Variants in CHL1 observed in about 807,000 individuals in gnomAD.
CHL1 encodes the protein neural cell adhesion molecule L1-like protein.
A neutral mutation model predicts 141.9 loss-of-function variants in CHL1; 96 were observed. That is an observed-to-expected ratio of 0.68 (90% CI 0.57 to 0.80). The LOEUF is 0.80. Ranked by LOEUF, CHL1 falls within the 30% of genes least tolerant of loss-of-function variation. The pLI, the probability that CHL1 is intolerant of heterozygous loss-of-function variation, is 0.00. For missense variants in CHL1, 1,820 were observed against 1,457.2 expected (o/e 1.25, Z -4.05); for synonymous variants, 613 against 502.2 (o/e 1.22, Z -2.95).
chr3:242,369 G>C (rs1176497828), intron 1 of CHL1, among the ~76,000 whole-genome samples: 1 of 144,894 alleles, frequency 6.9e-6, no homozygotes, highest in East Asian at 2.1e-4. Flanking sequence ...GGCTGAGGGG[G>C]GCAGATCACG....
chr3:341,932 G>C lies in CHL1; in HGVS notation c.529G>C (p.Asp177His), dbSNP rs1029893346. ...TTCAGAATTAGAACACATCGAACAA[G>C]ATGAAAGAGTATACATGAGCCAAAA... The part of the protein sequence containing the change: ...MNIELEHIEQ[D>H]ERVYMSQKGD... The change falls in exon 7 of 28, where the codon GAT (aspartate) becomes CAT (histidine). Residue 177 changes from aspartate (D) to histidine (H), a missense_variant. Transcript: ENST00000256509. The C allele has an allele frequency of 1.2e-6, 2 of 1,609,840 alleles. No individual in the cohort carries two copies. Among genetic ancestry groups the C allele is most frequent in the Non-Finnish European group, 1.7e-6 (2 of 1,176,912 alleles).
At chr3:199,764 C>T (rs1575587390) in intron 1 of CHL1, among the ~76,000 whole-genome samples, 2 of 152,104 alleles carry the variant, frequency 1.3e-5, no homozygotes, top group Admixed American at 6.6e-5. Flanking sequence ...ATAGTTGCTT[C>T]TGAAATCTTT....
intron 1 of CHL1, among the ~76,000 whole-genome samples, chr3:227,759 C>T (rs1408387721): frequency 6.6e-6 from 1 of 152,190 alleles, no homozygotes; most frequent in African/African-American, 2.4e-5. Context: ...CTTCCTACTT[C>T]TTCACATCTT....
chr3:295,951 G>T lies in CHL1; in HGVS notation c.-94-23732G>T, dbSNP rs573844569. ...TTTTGAATTCGGAAGAGAGAACCTT[G>T]GTGCCCCTTCTTCCTGAGGAAATTT... is the stretch of plus-strand genomic sequence containing the variant. On this transcript the variant is annotated intron_variant, in intron 2 of 27. Coordinates refer to ENST00000256509, the MANE Select transcript of CHL1 (RefSeq NM_006614.4). 1.4e-4 allele frequency among the ~76,000 whole-genome samples: 21 copies of T among 152,190 alleles called. 1 individual carries two copies. The highest frequency in any genetic ancestry group is 9.2e-4 in the Admixed American group (14 of 15,278).
chr3:276,301 T>A lies in CHL1; in HGVS notation c.-95+31609T>A, dbSNP rs530763413. 4.6e-5 allele frequency among the ~76,000 whole-genome samples: 7 copies of A among 152,272 alleles called. No homozygotes were observed. In the South Asian group the frequency reaches 1.4e-3, roughly 32 times the overall value. Reference sequence around the variant, plus strand: ...TACTCAATAAAATATATCAAATGAATCAACTTGAGCTTTGAAGGTTGGGAT... The same window carrying A: ...TACTCAATAAAATATATCAAATGAAACAACTTGAGCTTTGAAGGTTGGGAT... On this transcript the variant is annotated intron_variant, in intron 2 of 27. Coordinates refer to ENST00000256509, the MANE Select transcript of CHL1 (RefSeq NM_006614.4).
intron 10 of CHL1, among the ~76,000 whole-genome samples, chr3:353,651 A>T (rs1272405749): frequency 6.6e-6 from 1 of 152,162 alleles, no homozygotes; most frequent in Non-Finnish European, 1.5e-5. Context: ...CTTTTTACAT[A>T]ATCCTCTTTT....
chr3:225,628 T>TCA (rs933989935), intron 1 of CHL1, among the ~76,000 whole-genome samples: 6 of 151,600 alleles, frequency 4.0e-5, no homozygotes, highest in East Asian at 1.9e-4. Context: ...ACACTTATAG[T>TCA]CACACACACA....
chr3:283,606 T>C (rs939359596), intron 2 of CHL1, among the ~76,000 whole-genome samples: 3 of 152,218 alleles, frequency 2.0e-5, no homozygotes, highest in African/African-American at 4.8e-5. Flanking sequence ...TAAATACATG[T>C]TAAATTAAAT....
At chr3:390,926 A>T in intron 21 of CHL1, 29 bp from the exon 22 acceptor site, 1 of 1,591,498 alleles carries the variant, frequency 6.3e-7, no homozygotes, top group South Asian at 1.1e-5. Context: ...CACAATGGAT[A>T]TACTAAAAGA....
intron 5 of CHL1, among the ~76,000 whole-genome samples, chr3:338,034 T>G (rs373039757): frequency 6.6e-6 from 1 of 152,172 alleles, no homozygotes; most frequent in Non-Finnish European, 1.5e-5. Context: ...AGCACCTTTT[T>G]TTGGCATTTT....
chr3:280,005 C>T (rs1040286306), intron 2 of CHL1, among the ~76,000 whole-genome samples: 2 of 151,920 alleles, frequency 1.3e-5, no homozygotes, highest in African/African-American at 4.8e-5. Flanking sequence ...TATTTTTTAA[C>T]TGCTGATTAT....
At chr3:334,319 A>G (rs1308275103) in intron 5 of CHL1, among the ~76,000 whole-genome samples, 1 of 152,148 alleles carries the variant, frequency 6.6e-6, no homozygotes, top group Non-Finnish European at 1.5e-5. Context: ...TTATTGGCAC[A>G]TGACACTATG....
chr3:338,176 G>A (rs549864211), intron 5 of CHL1, among the ~76,000 whole-genome samples: 23 of 152,286 alleles, frequency 1.5e-4, no homozygotes, highest in Non-Finnish European at 1.0e-4. Flanking sequence ...TGTGCAAGTT[G>A]ATTCTGATCC....
At position 290,767 on chromosome 3, in the gene CHL1, C is replaced by G. The variant is rs144857601; in HGVS notation, c.-94-28916C>G. ...AGGTGATTGGAGCTGTAATCACACACAAAAAGTTGTCTATTTTAATTAGCC... is the reference window on the plus strand; with the variant it reads ...AGGTGATTGGAGCTGTAATCACACAGAAAAAGTTGTCTATTTTAATTAGCC... On this transcript the variant is annotated intron_variant, in intron 2 of 27. Coordinates refer to ENST00000256509, the MANE Select transcript of CHL1 (RefSeq NM_006614.4). Among the ~76,000 whole-genome samples, 1,025 of 151,948 alleles carry G rather than the reference C, an allele frequency of 6.7e-3. 10 individuals are homozygous for G. Among genetic ancestry groups the G allele is most frequent in the African/African-American group, 0.023 (965 of 41,452 alleles).
chr3:199,964 C>G (rs1336882085), intron 1 of CHL1, among the ~76,000 whole-genome samples: 4 of 152,146 alleles, frequency 2.6e-5, no homozygotes, highest in South Asian at 4.1e-4. Context: ...TCAGGAAATA[C>G]TGAGAGTATT....
At chr3:249,376 C>T (rs1693473046) in intron 2 of CHL1, among the ~76,000 whole-genome samples, 1 of 151,852 alleles carries the variant, frequency 6.6e-6, no homozygotes, top group South Asian at 2.1e-4. Context: ...ACATCCCCAC[C>T]CTAAAGGAGG....
chr3:344,740 G>C (rs780779335), intron 9 of CHL1, 31 bp downstream of exon 9: 3 of 1,608,860 alleles, frequency 1.9e-6, no homozygotes, highest in African/African-American at 1.3e-5. Context: ...TCATGACTTT[G>C]TCCATCCAGT....
intron 23 of CHL1, 35 bp downstream of exon 23, chr3:391,832 A>C: frequency 6.5e-7 from 1 of 1,529,186 alleles, no homozygotes. Flanking sequence ...TAACTTGTTA[A>C]TGTTTCATTT....
intron 27 of CHL1, 78 bp from the exon 28 acceptor site, chr3:405,417 A>T (rs1709462929): frequency 1.1e-6 from 1 of 936,622 alleles, no homozygotes; most frequent in Non-Finnish European, 1.6e-6. Context: ...AAAATCTTTT[A>T]TCACTTATGA....
Sources: allele counts gnomAD v4.1 joint callset (sites outside exome capture counted in the v4.1 genomes callset), GRCh38; gene constraint gnomAD v4.1.1; transcripts MANE v1.5; gene names NCBI Gene and HGNC (gene_info 2026-07-23, HGNC 2026-07-21).